CDCA8: variants seen among roughly 807,000 people sequenced by gnomAD.
CDCA8 encodes cell division cycle associated 8.
Under a neutral mutation model 40.0 loss-of-function variants are expected in CDCA8, and 25 were observed. The observed-to-expected ratio is 0.63, with a 90% CI of 0.46 to 0.87. The LOEUF (loss-of-function observed/expected upper bound fraction) is 0.87, where lower values mean the gene tolerates loss of function less well. Among genes scored for constraint, CDCA8 ranks in the 40% least tolerant of loss-of-function variants. The pLI is 0.00. For missense variants in CDCA8, 280 were observed against 348.4 expected, an observed-to-expected ratio of 0.80 and a Z score of 1.56; for synonymous variants, 111 against 126.5, an observed-to-expected ratio of 0.88 and a Z score of 0.82.
chr1:37,705,286 TTAA>T (rs1318791108), intron 7 of CDCA8, among the ~76,000 whole-genome samples, 152 bp from the exon 8 acceptor site: 1 of 152,216 alleles, frequency 6.6e-6, no homozygotes, highest in Non-Finnish European at 1.5e-5. Context: ...CATTACTGCT[TTAA>T]AACATTTTTT....
intron 6 of CDCA8, among the ~76,000 whole-genome samples, chr1:37,702,680 G>C (rs950858849): frequency 6.6e-6 from 1 of 152,092 alleles, no homozygotes; most frequent in Non-Finnish European, 1.5e-5. Flanking sequence ...GGCTGAGTGT[G>C]GTGTCTCACA....
At chr1:37,707,749 A>G (rs1254687375) in intron 9 of CDCA8, among the ~76,000 whole-genome samples, 1 of 152,220 alleles carries the variant, frequency 6.6e-6, no homozygotes, top group Non-Finnish European at 1.5e-5. Context: ...TGAGCCCATG[A>G]GTTCAAGGCT....
rs1260297495 is a variant in CDCA8 at position 37,709,210 on chromosome 1, G to A, written c.*844G>A. The A allele has an allele frequency of 6.6e-6, 1 of 152,176 alleles. No individual in the cohort carries two copies. The highest frequency in any genetic ancestry group is 2.1e-4 in the South Asian group (1 of 4,824). The allele number at this position is 152,176 out of a possible 1,614,324, so 9.4% of individuals were successfully genotyped here. A position where few individuals can be genotyped will look rare whatever the true frequency, so the allele number is the denominator to read the frequency against. Reference sequence around the variant, plus strand: ...CAGATTCTGGAGGTTTTATGTCATTGGCCACAGAATAACTGTCTCTAAGCT... The same window carrying A: ...CAGATTCTGGAGGTTTTATGTCATTAGCCACAGAATAACTGTCTCTAAGCT... On this transcript the variant is annotated 3_prime_UTR_variant, in exon 10 of 10. Coordinates refer to ENST00000373055, the MANE Select transcript of CDCA8 (RefSeq NM_001256875.2).
chr1:37,703,411 G>C, intron 7 of CDCA8, 64 bp downstream of exon 7: 7 of 1,217,486 alleles, frequency 5.7e-6, no homozygotes, highest in Non-Finnish European at 8.6e-6. Context: ...CCCAGAGAAG[G>C]AGTGTCTAAG....
chr1:37,692,612 G>C lies in CDCA8; in HGVS notation c.-79G>C. 2 of 1,177,636 alleles carry C rather than the reference G, an allele frequency of 1.7e-6. No homozygotes were observed. Among genetic ancestry groups the C allele is most frequent in the Non-Finnish European group, 2.5e-6 (2 of 804,754 alleles). 72.9% of individuals were successfully genotyped at this position (1,177,636 alleles called of 1,614,324 possible). A position where few individuals can be genotyped will look rare whatever the true frequency, so the allele number is the denominator to read the frequency against. On this transcript the variant is annotated 5_prime_UTR_variant, in exon 1 of 10. Coordinates refer to ENST00000373055, the MANE Select transcript of CDCA8 (RefSeq NM_001256875.2). ...CTGGCGACTTCTTCGGGTGGTCCCC[G>C]TCCGCCCTCCTCGTCCCTACCCAGT...
chr1:37,703,978 G>C (rs996071858), intron 7 of CDCA8, among the ~76,000 whole-genome samples: 5 of 152,116 alleles, frequency 3.3e-5, no homozygotes, highest in African/African-American at 1.2e-4. Context: ...TTATGAGGCA[G>C]GGTCTCACTC....
In CDCA8 at chr1:37,703,126, G is replaced by C. The variant is rs970127974; in HGVS notation, c.489-126G>C. 1.5e-5 allele frequency: 11 copies of C among 746,424 alleles called. No individual in the cohort carries two copies. The African/African-American group carries it at 1.9e-4, about 13-fold the overall frequency. 46.2% of individuals were successfully genotyped at this position (746,424 alleles called of 1,614,324 possible). A position where few individuals can be genotyped will look rare whatever the true frequency, so the allele number is the denominator to read the frequency against. ...TGGCCTCCCGTGTTAGAAGGGTCAC[G>C]TGAGTCGATGTGTGCGAGGCGCCCG... On this transcript the variant is annotated intron_variant, in intron 6 of 9. Coordinates refer to ENST00000373055, the MANE Select transcript of CDCA8 (RefSeq NM_001256875.2).
At chr1:37,700,057 C>T (rs1291294948) in intron 4 of CDCA8, among the ~76,000 whole-genome samples, 1 of 152,150 alleles carries the variant, frequency 6.6e-6, no homozygotes, top group African/African-American at 2.4e-5. Flanking sequence ...AGCAAGGAAT[C>T]GGATCAGGAT....
rs1420918262 is a variant in CDCA8, at chr1:37,692,696, T to C, written c.6T>C (p.Ala2=). The C allele has an allele frequency of 1.9e-6, 3 of 1,612,614 alleles. No individual in the cohort carries two copies. Among genetic ancestry groups the C allele is most frequent in the African/African-American group, 2.7e-5 (2 of 74,902 alleles). Reference sequence around the variant, plus strand: ...CGCAGCCTCCGCCGAGCGCCATGGCTCCTAGGAAGGGCAGTAGTCGGGTGG... The same window carrying C: ...CGCAGCCTCCGCCGAGCGCCATGGCCCCTAGGAAGGGCAGTAGTCGGGTGG... The part of the protein sequence containing the change: M[A]PRKGSSRVAK... The change falls in exon 1 of 10, where the codon GCT becomes GCC. Residue 2 remains alanine, a synonymous_variant. Coordinates refer to ENST00000373055, the MANE Select transcript of CDCA8 (RefSeq NM_001256875.2).
rs926482874 is a variant in CDCA8 at position 37,703,361 on chromosome 1, G to T, written c.584+14G>T. On this transcript the variant is annotated intron_variant, in intron 7 of 9. Coordinates refer to ENST00000373055, the MANE Select transcript of CDCA8 (RefSeq NM_001256875.2). ...GTTTGACTCAAGGTGAGTATCGAGG[G>T]AAACACTTGGATTTGATGGGACTCC... is the stretch of plus-strand genomic sequence containing the variant. 1 of 1,575,566 alleles carries T rather than the reference G, an allele frequency of 6.3e-7. No homozygotes were observed. Among genetic ancestry groups the T allele is most frequent in the African/African-American group, 1.3e-5 (1 of 74,178 alleles).
chr1:37,703,796 G>GT lies in CDCA8; in HGVS notation c.584+450dup, dbSNP rs545566693. ...ACAGTGGCCAGCTGGGTTTCCTGGT[G>GT]TATGCCTCTCCCTTAAGTGTAGTTT... On this transcript the variant is annotated intron_variant, in intron 7 of 9. Transcript: ENST00000373055. Among the ~76,000 whole-genome samples, 647 of 152,274 alleles carry GT rather than the reference G, an allele frequency of 4.2e-3. 2 individuals are homozygous for GT. The highest frequency in any genetic ancestry group is 0.02 in the Middle Eastern group (6 of 294).
At chr1:37,703,887 T>A (rs1450516910) in intron 7 of CDCA8, among the ~76,000 whole-genome samples, 5 of 152,264 alleles carry the variant, frequency 3.3e-5, no homozygotes, top group Admixed American at 6.5e-5. Flanking sequence ...CTGTGATGAC[T>A]AGGAGGCCTC....
intron 6 of CDCA8, among the ~76,000 whole-genome samples, chr1:37,702,084 A>G (rs996531770): frequency 3.8e-5 from 5 of 132,324 alleles, no homozygotes; most frequent in African/African-American, 1.5e-4. Flanking sequence ...CTCGTTGGCC[A>G]GGCTGGAGTG....
chr1:37,694,248 G>A (rs1645511487), intron 2 of CDCA8, among the ~76,000 whole-genome samples: 1 of 152,186 alleles, frequency 6.6e-6, no homozygotes, highest in Admixed American at 6.6e-5. Context: ...TTTTCTGCTG[G>A]GTTGCCCTTT....
chr1:37,701,922 T>C, intron 6 of CDCA8, 104 bp downstream of exon 6: 1 of 833,478 alleles, frequency 1.2e-6, no homozygotes, highest in Non-Finnish European at 2.0e-6. Flanking sequence ...GGCTAGTGTT[T>C]GAAAGCAGCT....
chr1:37,699,833 T>C (rs1211279134), intron 4 of CDCA8, among the ~76,000 whole-genome samples: 1 of 151,478 alleles, frequency 6.6e-6, no homozygotes, highest in East Asian at 1.9e-4. Context: ...GACAGGAGAA[T>C]GGCGTGAACC....
rs367959128 is a variant in CDCA8, at chr1:37,697,541, A to G, written c.265-1364A>G. On this transcript the variant is annotated intron_variant, in intron 3 of 9. Coordinates refer to ENST00000373055, the MANE Select transcript of CDCA8 (RefSeq NM_001256875.2). ...TTCAGGAGGGAAGTAGGTGTTCAGC[A>G]TGAGCCATATTGTTTGCATAAAGTT... Among the ~76,000 whole-genome samples, 32 of 152,362 alleles carry G rather than the reference A, an allele frequency of 2.1e-4. No individual in the cohort carries two copies. In the South Asian group the frequency reaches 6.4e-3, roughly 31 times the overall value.
rs1645577619 is a variant in CDCA8 at position 37,703,333 on chromosome 1, C to T, written c.570C>T (p.Pro190=). ...SMVKPTPGLT[P]RFDSRVFKTP... ...TCAAACCAACTCCAGGCCTGACACC[C>T]AGGTTTGACTCAAGGTGAGTATCGA... is the stretch of plus-strand genomic sequence containing the variant. The change falls in exon 7 of 10, where the codon CCC becomes CCT. Residue 190 remains proline, a synonymous_variant. Coordinates refer to ENST00000373055, the MANE Select transcript of CDCA8 (RefSeq NM_001256875.2). 6.2e-7 allele frequency: 1 copy of T among 1,612,422 alleles called. No individual in the cohort carries two copies. Among genetic ancestry groups the T allele is most frequent in the African/African-American group, 1.3e-5 (1 of 74,880 alleles).
chr1:37,694,215 C>T (rs1645510854), intron 2 of CDCA8, among the ~76,000 whole-genome samples: 3 of 152,108 alleles, frequency 2.0e-5, no homozygotes, highest in Non-Finnish European at 2.9e-5. Context: ...ATTAAATGTC[C>T]GGAGAAATGC....
Sources: gnomAD v4.1 joint callset for allele counts (sites outside exome capture counted in the v4.1 genomes callset) on GRCh38, gnomAD v4.1.1 for gene constraint, MANE v1.5 for transcripts, NCBI Gene and HGNC (gene_info 2026-07-23, HGNC 2026-07-21) for gene names.